Variants in ZCCHC24 observed in about 807,000 individuals in gnomAD.
The protein encoded by ZCCHC24 is zinc finger CCHC domain-containing protein 24.
In ZCCHC24, 10 loss-of-function variants were observed where a neutral mutation model predicts 26.2. The observed-to-expected ratio is 0.38, with a 90% confidence interval of 0.24 to 0.65. ZCCHC24 has a LOEUF of 0.65. Ranked by LOEUF, ZCCHC24 falls within the 30% of genes least tolerant of loss-of-function variation. ZCCHC24 has a pLI of 0.54. For missense variants in ZCCHC24, 243 were observed against 329.1 expected, an observed-to-expected ratio of 0.74 and a Z score of 2.03; for synonymous variants, 144 against 147.1, an observed-to-expected ratio of 0.98 and a Z score of 0.15.
chr10:79,445,459 GC>G lies in ZCCHC24; in HGVS notation c.-20del. The G allele has an allele frequency of 2.2e-6, 3 of 1,392,354 alleles. No homozygotes were observed. Among genetic ancestry groups the G allele is most frequent in the Non-Finnish European group, 2.8e-6 (3 of 1,063,590 alleles). The allele number at this position is 1,392,354 out of a possible 1,614,324, so 86.2% of individuals were successfully genotyped here. A position where few individuals can be genotyped will look rare whatever the true frequency, so the allele number is the denominator to read the frequency against. On this transcript the variant is annotated 5_prime_UTR_variant, in exon 1 of 4. Coordinates refer to ENST00000372336, the MANE Select transcript of ZCCHC24 (RefSeq NM_153367.4). The stretch of plus-strand genomic sequence containing the variant: ...GGCTCATTTTGTGGCGGCGGTGCCG[GC>G]CCCTCCCCGGCCGCCCGCTCGCGGC...
At chr10:79,432,869 C>T in intron 1 of ZCCHC24, 111 bp from the exon 2 acceptor site, 1 of 1,210,318 alleles carries the variant, frequency 8.3e-7, no homozygotes, top group Non-Finnish European at 1.1e-6. Flanking sequence ...TACCCGAGGG[C>T]TCTGGGCTCC....
chr10:79,403,208 G>C (rs886880629), intron 2 of ZCCHC24, among the ~76,000 whole-genome samples: 3 of 152,248 alleles, frequency 2.0e-5, no homozygotes, highest in African/African-American at 7.2e-5. Context: ...GACCTCCCAA[G>C]TGACAGGCAT....
rs1317716979 is a variant in ZCCHC24 at position 79,383,891 on chromosome 10, T to C, written c.*2454A>G. The C allele has an allele frequency of 6.5e-6, 1 of 152,768 alleles. No homozygotes were observed. The highest frequency in any genetic ancestry group is 2.4e-5 in the African/African-American group (1 of 41,454). 9.5% of individuals were successfully genotyped at this position (152,768 alleles called of 1,614,324 possible). On this transcript the variant is annotated 3_prime_UTR_variant, in exon 4 of 4. Coordinates refer to ENST00000372336, the MANE Select transcript of ZCCHC24 (RefSeq NM_153367.4). ...TTCATATGGGGTAAACACCATTATC[T>C]CCCAACTAGATCGCTAGATCTACCA... is the stretch of plus-strand genomic sequence containing the variant.
At position 79,420,514 on chromosome 10, in the gene ZCCHC24, C is replaced by T. The variant is rs538224204; in HGVS notation, c.447+12044G>A. ...CGACAGTAGGCTGGGCATGGTGGCT[C>T]ACGCCTGTAATCCCAGCACTTTGGG... On this transcript the variant is annotated intron_variant, in intron 2 of 3. Coordinates refer to ENST00000372336, the MANE Select transcript of ZCCHC24 (RefSeq NM_153367.4). Among the ~76,000 whole-genome samples, 7 of 152,354 alleles carry T rather than the reference C, an allele frequency of 4.6e-5. No homozygotes were observed. In the East Asian group the frequency reaches 1.3e-3, roughly 29 times the overall value.
At chr10:79,421,161 C>CA (rs5786402) in intron 2 of ZCCHC24, among the ~76,000 whole-genome samples, 108,921 of 151,984 alleles carry the variant, frequency 0.72, 39,120 homozygotes, top group East Asian at 0.89. Context: ...GCATCTATGC[C>CA]AAGCCACCAC....
intron 2 of ZCCHC24, among the ~76,000 whole-genome samples, chr10:79,394,912 G>A (rs959545840): frequency 1.3e-5 from 2 of 152,154 alleles, no homozygotes; most frequent in Non-Finnish European, 2.9e-5. Context: ...CTACTAGGAG[G>A]CAATCTAAAT....
chr10:79,424,242 A>G lies in ZCCHC24; in HGVS notation c.447+8316T>C, dbSNP rs73301230. Among the ~76,000 whole-genome samples, 1,047 of 152,318 alleles carry G rather than the reference A, an allele frequency of 6.9e-3. 13 individuals carry two copies. Among genetic ancestry groups the G allele is most frequent in the African/African-American group, 0.023 (974 of 41,568 alleles). On this transcript the variant is annotated intron_variant, in intron 2 of 3. Transcript: ENST00000372336. Reference sequence around the variant, plus strand: ...TTCACCAACTGCAACACAAGCTCCTAGACAGAGGGAGCCTTTCCTGTTTTG... The same window carrying G: ...TTCACCAACTGCAACACAAGCTCCTGGACAGAGGGAGCCTTTCCTGTTTTG...
At chr10:79,435,541 A>G (rs565780863) in intron 1 of ZCCHC24, among the ~76,000 whole-genome samples, 1 of 152,160 alleles carries the variant, frequency 6.6e-6, no homozygotes, top group Non-Finnish European at 1.5e-5. Flanking sequence ...TCCCCTCCTC[A>G]TGGCCTTCCC....
intron 2 of ZCCHC24, among the ~76,000 whole-genome samples, chr10:79,417,451 T>C (rs10762863): frequency 0.39 from 59,966 of 151,916 alleles, 12,142 homozygotes; most frequent in Middle Eastern, 0.45. Flanking sequence ...CTGCCAGGGC[T>C]GGAGATCAGC....
At chr10:79,411,691 T>C (rs1276114797) in intron 2 of ZCCHC24, among the ~76,000 whole-genome samples, 1 of 152,064 alleles carries the variant, frequency 6.6e-6, no homozygotes, top group East Asian at 1.9e-4. Flanking sequence ...ACACAGCCTG[T>C]GAGAGGCAGG....
intron 3 of ZCCHC24, among the ~76,000 whole-genome samples, chr10:79,392,225 C>T (rs1404176691): frequency 6.6e-6 from 1 of 152,148 alleles, no homozygotes; most frequent in African/African-American, 2.4e-5. Context: ...ACCTGCCAGG[C>T]GAGCTGTGCT....
intron 3 of ZCCHC24, among the ~76,000 whole-genome samples, chr10:79,389,697 C>T (rs1856449572): frequency 6.6e-6 from 1 of 151,602 alleles, no homozygotes; most frequent in Admixed American, 6.6e-5. Context: ...CTCACAGCAA[C>T]CTCTGTCTCC....
intron 2 of ZCCHC24, 82 bp from the exon 3 acceptor site, chr10:79,394,522 C>T (rs1856519759): frequency 1.9e-6 from 3 of 1,552,048 alleles, no homozygotes; most frequent in African/African-American, 2.7e-5. Flanking sequence ...GCCTCCGCCT[C>T]AGTCTTCATG....
chr10:79,396,080 G>A (rs1856543002), intron 2 of ZCCHC24, among the ~76,000 whole-genome samples: 1 of 152,100 alleles, frequency 6.6e-6, no homozygotes, highest in Non-Finnish European at 1.5e-5. Context: ...CCCATTCTAG[G>A]TATTTAATAT....
chr10:79,387,661 C>T (rs2132171831), intron 3 of ZCCHC24, among the ~76,000 whole-genome samples: 2 of 152,252 alleles, frequency 1.3e-5, no homozygotes, highest in African/African-American at 4.8e-5. Flanking sequence ...CAGACCATGG[C>T]CCGGATGACA....
At chr10:79,391,575 G>T (rs1366114792) in intron 3 of ZCCHC24, among the ~76,000 whole-genome samples, 1 of 151,900 alleles carries the variant, frequency 6.6e-6, no homozygotes, top group African/African-American at 2.4e-5. Context: ...GACCCCAGCA[G>T]CCCCCATACA....
intron 1 of ZCCHC24, among the ~76,000 whole-genome samples, chr10:79,442,985 A>G (rs1342212240): frequency 1.3e-5 from 2 of 152,182 alleles, no homozygotes; most frequent in Non-Finnish European, 2.9e-5. Context: ...TGAACATCAG[A>G]GAAGCCCCTC....
intron 2 of ZCCHC24, among the ~76,000 whole-genome samples, chr10:79,395,752 A>G (rs1235513577): frequency 6.6e-6 from 1 of 152,210 alleles, no homozygotes; most frequent in East Asian, 1.9e-4. Flanking sequence ...GGAATAGCCT[A>G]ATATTTTTCT....
chr10:79,424,630 G>A (rs1857001115), intron 2 of ZCCHC24, among the ~76,000 whole-genome samples: 1 of 152,170 alleles, frequency 6.6e-6, no homozygotes, highest in Admixed American at 6.5e-5. Flanking sequence ...CCTGCCACTA[G>A]CAGGATCTTT....
Sources: gnomAD v4.1 joint callset for allele counts (sites outside exome capture counted in the v4.1 genomes callset) on GRCh38, gnomAD v4.1.1 for gene constraint, MANE v1.5 for transcripts, NCBI Gene and HGNC (gene_info 2026-07-23, HGNC 2026-07-21) for gene names.